Variants in PARP9 observed in about 807,000 individuals in gnomAD.
PARP9 encodes poly(ADP-ribose) polymerase family member 9, also known as protein mono-ADP-ribosyltransferase PARP9.
PARP9 carries 48 observed loss-of-function variants against 68.8 expected under a neutral mutation model. The ratio of observed to expected loss-of-function variants is 0.70; its 90% CI spans 0.55 to 0.89. PARP9 has a LOEUF of 0.89. Among genes scored for constraint, PARP9 ranks in the 40% least tolerant of loss-of-function variants. The pLI is 0.00. For missense variants in PARP9, 806 were observed against 969.3 expected (o/e 0.83, Z 2.24); for synonymous variants, 309 against 333.8 (o/e 0.93, Z 0.81).
intron 10 of PARP9, chr3:122,533,344 G>A (rs929039016): frequency 1.3e-5 from 2 of 152,136 alleles, no homozygotes; most frequent in Non-Finnish European, 2.9e-5. Context: ...CCAAGAAAAG[G>A]GATCAATTTG....
At chr3:122,536,389 T>A in intron 9 of PARP9, 47 bp from the exon 10 acceptor site, 1 of 1,594,106 alleles carries the variant, frequency 6.3e-7, no homozygotes, top group South Asian at 1.1e-5. Flanking sequence ...AGAGAACCGC[T>A]CTTTAAATTG....
intron 1 of PARP9, among the ~76,000 whole-genome samples, chr3:122,562,501 A>T (rs13066825): frequency 0.15 from 22,646 of 151,872 alleles, 2,249 homozygotes; most frequent in Admixed American, 0.26. Flanking sequence ...CCATCAATAT[A>T]CTCTTTTCAA....
intron 10 of PARP9, among the ~76,000 whole-genome samples, chr3:122,529,063 C>G (rs1046728227): frequency 5.9e-5 from 9 of 151,412 alleles, no homozygotes; most frequent in Admixed American, 6.6e-5. Flanking sequence ...ATGATGATAC[C>G]CCGTCTCTAC....
At chr3:122,564,487 C>A (rs1338346367), upstream of PARP9, 1 of 1,612,848 alleles carries the variant, frequency 6.2e-7, no homozygotes, top group East Asian at 2.2e-5. Flanking sequence ...GTCCGGCCCC[C>A]GAGTACGAAG....
chr3:122,534,622 G>A lies in PARP9; in HGVS notation c.2080+1546C>T, dbSNP rs979232433. ...CTGCTGGGCATGGTGGCTCATACCT[G>A]TAAGCCCAACACTTTGGGAGGCTGA... On this transcript the variant is annotated intron_variant, in intron 10 of 10. Coordinates refer to ENST00000682323, the MANE Select transcript of PARP9 (RefSeq NM_001146105.2). 5.0e-5 allele frequency: 13 copies of A among 258,264 alleles called. No homozygotes were observed. In the South Asian group the frequency reaches 1.9e-3, roughly 37 times the overall value. 16.0% of individuals were successfully genotyped at this position (258,264 alleles called of 1,614,324 possible).
At chr3:122,548,750 G>A (rs1354024434) in intron 6 of PARP9, among the ~76,000 whole-genome samples, 2 of 152,136 alleles carry the variant, frequency 1.3e-5, no homozygotes, top group Non-Finnish European at 2.9e-5. Context: ...GACCCCAAAT[G>A]TGTTAGACCA....
chr3:122,552,365 A>G (rs1330274979), intron 5 of PARP9, 53 bp downstream of exon 5: 1 of 1,330,668 alleles, frequency 7.5e-7, no homozygotes, highest in East Asian at 2.3e-5. Flanking sequence ...TTTAAAAAAA[A>G]AAGACTGTAT....
chr3:122,539,543 C>CTTTCTTTCT (rs1559819414), intron 8 of PARP9, among the ~76,000 whole-genome samples: 1 of 41,104 alleles, frequency 2.4e-5, no homozygotes, highest in Non-Finnish European at 6.1e-5. Flanking sequence ...TTCTTTCTTT[C>CTTTCTTTCT]TTTCTTTCTT....
intron 3 of PARP9, among the ~76,000 whole-genome samples, chr3:122,557,439 C>T (rs2079792546): frequency 6.6e-6 from 1 of 152,198 alleles, no homozygotes. Flanking sequence ...ATGTGGCAGA[C>T]AAGAAGATGT....
chr3:122,561,723 C>T (rs915581153), intron 1 of PARP9, among the ~76,000 whole-genome samples: 8 of 152,146 alleles, frequency 5.3e-5, no homozygotes, highest in African/African-American at 1.7e-4. Context: ...CGTTTTTCAT[C>T]TCATTCTGCA....
At position 122,528,590 on chromosome 3, in the gene PARP9, A is replaced by T. The variant is rs372529402; in HGVS notation, c.2234T>A (p.Val745Asp). 1 of 1,614,182 alleles carries T rather than the reference A, an allele frequency of 6.2e-7. No homozygotes were observed. Residue 745 changes from valine (V) to aspartate (D), a missense_variant, in exon 11 of 11, where the codon GTT (valine) becomes GAT (aspartate). Physicochemically the swap from Val to Asp is radical, Grantham distance 152. Around this residue, in one of 2 missense-constraint regions of PARP9, gnomAD observed 680 missense variants for 858.8 expected, o/e 0.79. Transcript: ENST00000682323. ...AGCTCCAGGACTCAGTGGTGGGGGA[A>T]CAATATTTAACGGATGTCCCTGGCA... ...FFCQGHPLNIVPPPLSPGAID... is the reference protein window; with the variant it reads ...FFCQGHPLNIDPPPLSPGAID...
chr3:122,547,104 T>C (rs1415856782), intron 6 of PARP9, among the ~76,000 whole-genome samples: 2 of 115,448 alleles, frequency 1.7e-5, no homozygotes, highest in African/African-American at 5.9e-5. Context: ...ATACACGTAT[T>C]TTTTTTTCTT....
At chr3:122,555,195 T>C in intron 4 of PARP9, 91 bp downstream of exon 4, 3 of 1,248,224 alleles carry the variant, frequency 2.4e-6, no homozygotes, top group Non-Finnish European at 3.4e-6. Flanking sequence ...CAAGATGGTT[T>C]CTACATAGTG....
At chr3:122,559,764 C>T (rs949493592) in intron 1 of PARP9, 55 bp from the exon 2 acceptor site, 1 of 706,996 alleles carries the variant, frequency 1.4e-6, no homozygotes, top group African/African-American at 1.8e-5. Context: ...TTAGGAAATT[C>T]GGTAAGAATA....
At chr3:122,553,867 G>A (rs2079417506) in intron 4 of PARP9, among the ~76,000 whole-genome samples, 1 of 151,974 alleles carries the variant, frequency 6.6e-6, no homozygotes, top group South Asian at 2.1e-4. Flanking sequence ...TTAGATGCAT[G>A]CCCAGACCAG....
In PARP9 at chr3:122,538,721, T is replaced by C. The variant is rs2077849079; in HGVS notation, c.1766-1648A>G. Among the ~76,000 whole-genome samples the C allele has an allele frequency of 3.3e-5, 5 of 152,130 alleles. No individual in the cohort carries two copies. In the South Asian group the frequency reaches 1.0e-3, roughly 32 times the overall value. On this transcript the variant is annotated intron_variant, in intron 8 of 10. Coordinates refer to ENST00000682323, the MANE Select transcript of PARP9 (RefSeq NM_001146105.2). ...TAACAAAATAATGCCACAAGTTTTA[T>C]AGGAGATCCATGTTTCTTTGTATCC...
intron 10 of PARP9, among the ~76,000 whole-genome samples, chr3:122,531,349 G>A (rs1012207861): frequency 2.6e-5 from 4 of 152,166 alleles, no homozygotes; most frequent in African/African-American, 9.7e-5. Context: ...TTTCTTTCCC[G>A]GGAGTTTCTT....
At chr3:122,542,253 A>C (rs1576400691) in intron 7 of PARP9, among the ~76,000 whole-genome samples, 42 of 112,174 alleles carry the variant, frequency 3.7e-4, no homozygotes, top group African/African-American at 5.0e-4. Flanking sequence ...TCCTTCTACT[A>C]CTACTTTTTT....
intron 10 of PARP9, chr3:122,532,419 A>T (rs1368738822): frequency 2.9e-5 from 29 of 985,146 alleles, no homozygotes; most frequent in Non-Finnish European, 3.1e-5. Flanking sequence ...GCATAGACAA[A>T]AGAGGAGAAA....
Sources: gnomAD v4.1 joint callset for allele counts (sites outside exome capture counted in the v4.1 genomes callset) on GRCh38, gnomAD v4.1.1 for gene constraint, gnomAD v4.1.1 regional missense constraint, MANE v1.5 for transcripts, NCBI Gene and HGNC (gene_info 2026-07-23, HGNC 2026-07-21) for gene names.